The following EEF1AKMT4 variants were observed in gnomAD, a reference collection of about 807,000 sequenced individuals.
The protein encoded by EEF1AKMT4 is eukaryotic translation elongation factor 1 alpha lysine specific methyltransferase 4.
EEF1AKMT4 carries 17 observed loss-of-function variants against 23.0 expected under a neutral mutation model. The observed-to-expected ratio is 0.74, with a 90% CI of 0.51 to 1.11. The LOEUF (loss-of-function observed/expected upper bound fraction) is 1.11. EEF1AKMT4 is among the 50% of genes least tolerant of loss of function. The pLI is 0.00. For missense variants in EEF1AKMT4, 318 were observed against 333.4 expected (o/e 0.95, Z 0.36); for synonymous variants, 140 against 141.4 (o/e 0.99, Z 0.07).
intron 1 of EEF1AKMT4, among the ~76,000 whole-genome samples, chr3:184,254,582 G>A (rs1229741841): frequency 3.3e-5 from 5 of 151,194 alleles, no homozygotes; most frequent in East Asian, 1.9e-4. Flanking sequence ...GCGTGGTGGC[G>A]GGCGCCTGTA....
At chr3:184,253,172 G>A (rs1243152260) in intron 1 of EEF1AKMT4, among the ~76,000 whole-genome samples, 1 of 152,118 alleles carries the variant, frequency 6.6e-6, no homozygotes, top group African/African-American at 2.4e-5. Context: ...AGAAAGGGAA[G>A]AAGCAAAGTT....
chr3:184,249,900 C>T lies in EEF1AKMT4; in HGVS notation c.196+10C>T. 6.2e-7 allele frequency: 1 copy of T among 1,602,746 alleles called. No individual in the cohort carries two copies. Among genetic ancestry groups the T allele is most frequent in the Non-Finnish European group, 8.5e-7 (1 of 1,171,616 alleles). On this transcript the variant is annotated intron_variant, in intron 1 of 2. Transcript: ENST00000324557. ...CGTATCCTTGTGCTAGGTGGGTAAT[C>T]CCGGCGCGGCCCCGCCAGGTAGAGC... is the stretch of plus-strand genomic sequence containing the variant.
At chr3:184,250,263 A>C (rs1363488567) in intron 1 of EEF1AKMT4, among the ~76,000 whole-genome samples, 1 of 152,218 alleles carries the variant, frequency 6.6e-6, no homozygotes, top group Admixed American at 6.5e-5. Flanking sequence ...TCTGAGCTTT[A>C]GATTCAGTTC....
chr3:184,252,290 T>C (rs2108448336), intron 1 of EEF1AKMT4, among the ~76,000 whole-genome samples: 2 of 152,294 alleles, frequency 1.3e-5, no homozygotes, highest in South Asian at 4.1e-4. Flanking sequence ...TATCCTTTTC[T>C]GGATAGGAGG....
chr3:184,258,597 C>A lies in EEF1AKMT4; in HGVS notation c.*22C>A. The A allele has an allele frequency of 6.5e-7, 1 of 1,540,922 alleles. No individual in the cohort carries two copies. The highest frequency in any genetic ancestry group is 1.3e-5 in the South Asian group (1 of 78,688). On this transcript the variant is annotated 3_prime_UTR_variant, in exon 3 of 3. Transcript: ENST00000324557. Reference sequence around the variant, plus strand: ...CTGAGGCCAGAGCATGGTCCTCCACCCTTCCTGCCATTCTGCCCTGGGCTC... The same window carrying A: ...CTGAGGCCAGAGCATGGTCCTCCACACTTCCTGCCATTCTGCCCTGGGCTC...
At chr3:184,251,104 A>T (rs1719529432) in intron 1 of EEF1AKMT4, among the ~76,000 whole-genome samples, 2 of 131,672 alleles carry the variant, frequency 1.5e-5, no homozygotes, top group Admixed American at 7.4e-5. Flanking sequence ...AAAAAAAAAA[A>T]GAAAAGAACT....
intron 2 of EEF1AKMT4, 134 bp downstream of exon 2, chr3:184,257,890 C>T (rs111485207): frequency 0.019 from 21,717 of 1,144,280 alleles, 277 homozygotes; most frequent in Non-Finnish European, 0.023. Context: ...GAGTGTGGCT[C>T]TCTGAAGGGA....
At chr3:184,253,701 G>A (rs1056759296) in intron 1 of EEF1AKMT4, among the ~76,000 whole-genome samples, 8 of 142,094 alleles carry the variant, frequency 5.6e-5, no homozygotes, top group Non-Finnish European at 1.1e-4. Flanking sequence ...ATGGAATCTC[G>A]TTCTGTTGTC....
intron 1 of EEF1AKMT4, among the ~76,000 whole-genome samples, chr3:184,252,946 C>CAAAAAAA (rs563455729): frequency 4.4e-5 from 2 of 45,400 alleles, no homozygotes; most frequent in African/African-American, 8.2e-5. Flanking sequence ...AACTCCATCT[C>CAAAAAAA]AAAAAAAAAA....
rs1719921548 is a variant in EEF1AKMT4 at position 184,258,641 on chromosome 3, C to T, written c.*66C>T. The T allele has an allele frequency of 6.6e-7, 1 of 1,513,418 alleles. No individual in the cohort carries two copies. The highest frequency in any genetic ancestry group is 1.4e-5 in the African/African-American group (1 of 71,662). The allele number at this position is 1,513,418 out of a possible 1,614,324, so 93.7% of individuals were successfully genotyped here. ...TGGGCTCCTCAGGTAGTTGGAATTC[C>T]TGACTTAGGACTTGGGGTTGGGTCC... is the stretch of plus-strand genomic sequence containing the variant. On this transcript the variant is annotated 3_prime_UTR_variant, in exon 3 of 3. Transcript: ENST00000324557.
chr3:184,257,772 G>A lies in EEF1AKMT4; in HGVS notation c.480+16G>A. 1.2e-6 allele frequency: 2 copies of A among 1,602,188 alleles called. No individual in the cohort carries two copies. Among genetic ancestry groups the A allele is most frequent in the Non-Finnish European group, 1.7e-6 (2 of 1,172,448 alleles). ...GTTGAGTGAGGTGAGGGAGCAACAA[G>A]AGAGGAAAGCAGATCAATAGGTGGG... On this transcript the variant is annotated intron_variant, in intron 2 of 2. Transcript: ENST00000324557.
chr3:184,255,599 C>A (rs540291862), intron 1 of EEF1AKMT4, among the ~76,000 whole-genome samples: 1 of 152,340 alleles, frequency 6.6e-6, no homozygotes, highest in East Asian at 1.9e-4. Flanking sequence ...ATAGGAGGGC[C>A]TGGAAGAGGC....
At chr3:184,256,327 C>A (rs1169969606) in intron 1 of EEF1AKMT4, among the ~76,000 whole-genome samples, 1 of 150,206 alleles carries the variant, frequency 6.7e-6, no homozygotes, top group Non-Finnish European at 1.5e-5. Context: ...AGGAATTAGT[C>A]AGCTCCACTG....
rs781388596 is a variant in EEF1AKMT4 at position 184,257,598 on chromosome 3, C to T, written c.322C>T (p.Arg108Cys). 1.6e-5 allele frequency: 26 copies of T among 1,614,048 alleles called. No homozygotes were observed. Among genetic ancestry groups the T allele is most frequent in the East Asian group, 4.5e-5 (2 of 44,900 alleles). The change falls in exon 2 of 3, where the codon CGC becomes TGC. Residue 108 changes from arginine to cysteine, a missense_variant. Physicochemically the swap from Arg to Cys is radical, Grantham distance 180. Coordinates refer to ENST00000324557, the MANE Select transcript of EEF1AKMT4 (RefSeq NM_032331.4). ...TCGCCATGCCCATGTGCCGCAGCTG[C>T]GCTGGGAGACCATGGATGTGCGGAA... is the stretch of plus-strand genomic sequence containing the variant. Reference protein sequence around the residue: ...QARHAHVPQLRWETMDVRKLD... With the variant: ...QARHAHVPQLCWETMDVRKLD...
At position 184,258,420 on chromosome 3, in the gene EEF1AKMT4, C is replaced by T. The variant is rs754477826; in HGVS notation, c.613C>T (p.His205Tyr). ...LRHATYGSGF[H>Y]FHLYLMHKGG... ...GCATGCTACCTATGGCAGCGGTTTC[C>T]ACTTCCATCTCTACCTCATGCACAA... Residue 205 changes from histidine (H) to tyrosine (Y), a missense_variant, in exon 3 of 3, where the codon CAC (histidine) becomes TAC (tyrosine). Physicochemically the swap from His to Tyr is moderately conservative, Grantham distance 83. Coordinates refer to ENST00000324557, the MANE Select transcript of EEF1AKMT4 (RefSeq NM_032331.4). 4.3e-6 allele frequency: 7 copies of T among 1,613,990 alleles called. No homozygotes were observed. Among genetic ancestry groups the T allele is most frequent in the Non-Finnish European group, 5.9e-6 (7 of 1,179,940 alleles).
intron 1 of EEF1AKMT4, among the ~76,000 whole-genome samples, chr3:184,256,057 G>A (rs1719784395): frequency 6.6e-6 from 1 of 152,062 alleles, no homozygotes; most frequent in Non-Finnish European, 1.5e-5. Flanking sequence ...GCCAAGGCAG[G>A]TGGATCACCT....
At chr3:184,252,585 C>T (rs911019307) in intron 1 of EEF1AKMT4, among the ~76,000 whole-genome samples, 2 of 152,144 alleles carry the variant, frequency 1.3e-5, no homozygotes, top group Non-Finnish European at 2.9e-5. Context: ...TTGCAGGCTA[C>T]ACAGTCTCTT....
intron 2 of EEF1AKMT4, 147 bp downstream of exon 2, chr3:184,257,903 G>T: frequency 9.6e-7 from 1 of 1,037,726 alleles, no homozygotes. Flanking sequence ...TGAAGGGAGG[G>T]AAGGGTTAAG....
At chr3:184,253,346 T>A (rs908913415) in intron 1 of EEF1AKMT4, among the ~76,000 whole-genome samples, 1 of 152,170 alleles carries the variant, frequency 6.6e-6, no homozygotes, top group Non-Finnish European at 1.5e-5. Context: ...AAGGAAGTGG[T>A]AAAGTAAGGG....
Sources: allele counts gnomAD v4.1 joint callset (sites outside exome capture counted in the v4.1 genomes callset), GRCh38; gene constraint gnomAD v4.1.1; transcripts MANE v1.5; gene names NCBI Gene and HGNC (gene_info 2026-07-23, HGNC 2026-07-21).